The following GATAD2B variants were observed in gnomAD, a reference collection of about 807,000 sequenced individuals.
GATAD2B encodes the protein transcriptional repressor p66-beta.
In GATAD2B, 8 loss-of-function variants were observed where a neutral mutation model predicts 64.3. The observed-to-expected ratio is 0.12, with a 90% CI of 0.07 to 0.22. The LOEUF (loss-of-function observed/expected upper bound fraction) is 0.22. Ranked by LOEUF, GATAD2B falls within the 10% of genes least tolerant of loss-of-function variation. The pLI, the probability that GATAD2B is intolerant of heterozygous loss-of-function variation, is 1.00. For missense variants in GATAD2B, 453 were observed against 752.0 expected (o/e 0.60, Z 4.65); for synonymous variants, 281 against 271.3 (o/e 1.04, Z -0.35).
At chr1:153,904,845 T>C (rs1413453805) in intron 1 of GATAD2B, among the ~76,000 whole-genome samples, 2 of 152,168 alleles carry the variant, frequency 1.3e-5, no homozygotes, top group Non-Finnish European at 2.9e-5. Flanking sequence ...CAGGTGGGAT[T>C]ACAGGCGCCT....
rs1429828798 is a variant in GATAD2B at position 153,865,615 on chromosome 1, G to A, written c.-1-37267C>T. On this transcript the variant is annotated intron_variant, in intron 1 of 10. Coordinates refer to ENST00000368655, the MANE Select transcript of GATAD2B (RefSeq NM_020699.4). ...TGGAACATTCTGTTACATAAGTAAAGACTTTTAATCAATTATTGTCTGCCA... is the reference window on the plus strand; with the variant it reads ...TGGAACATTCTGTTACATAAGTAAAAACTTTTAATCAATTATTGTCTGCCA... Among the ~76,000 whole-genome samples the A allele has an allele frequency of 2.0e-5, 3 of 152,164 alleles. No individual in the cohort carries two copies. In the East Asian group the frequency reaches 5.8e-4, roughly 29 times the overall value.
intron 1 of GATAD2B, chr1:153,852,969 G>A: frequency 1.1e-6 from 1 of 921,822 alleles, no homozygotes; most frequent in Non-Finnish European, 1.8e-6. Flanking sequence ...CACAGACTTG[G>A]GTCTTCTCCA....
At chr1:153,903,560 A>G (rs1677841114) in intron 1 of GATAD2B, among the ~76,000 whole-genome samples, 1 of 152,242 alleles carries the variant, frequency 6.6e-6, no homozygotes, top group Non-Finnish European at 1.5e-5. Flanking sequence ...TGTTAACAAA[A>G]TAATAGCGAT....
intron 1 of GATAD2B, among the ~76,000 whole-genome samples, chr1:153,866,825 A>C (rs1676490987): frequency 6.6e-6 from 1 of 152,192 alleles, no homozygotes; most frequent in Non-Finnish European, 1.5e-5. Context: ...CTCTGTCGCC[A>C]GGCTGGAGTG....
chr1:153,832,240 G>A (rs1675105163), intron 1 of GATAD2B, among the ~76,000 whole-genome samples: 1 of 151,740 alleles, frequency 6.6e-6, no homozygotes, highest in South Asian at 2.1e-4. Flanking sequence ...TAGCCAAGTT[G>A]TGAATGCAAA....
chr1:153,818,991 C>G, intron 3 of GATAD2B, 69 bp from the exon 4 acceptor site: 1 of 1,499,498 alleles, frequency 6.7e-7, no homozygotes, highest in Non-Finnish European at 9.1e-7. Context: ...AAGAGACAAT[C>G]TTTACTTCTT....
intron 1 of GATAD2B, among the ~76,000 whole-genome samples, chr1:153,842,952 GC>G (rs1024098911): frequency 1.3e-4 from 17 of 134,710 alleles, no homozygotes; most frequent in African/African-American, 3.7e-4. Context: ...ACCTCGCCCA[GC>G]CTTTTTTTTT....
chr1:153,834,986 C>T (rs912372285), intron 1 of GATAD2B, among the ~76,000 whole-genome samples: 6 of 151,848 alleles, frequency 4.0e-5, no homozygotes, highest in Admixed American at 6.6e-5. Flanking sequence ...TAGTTGGGCA[C>T]GGTGGCATGC....
chr1:153,849,414 T>G (rs563399861), intron 1 of GATAD2B, among the ~76,000 whole-genome samples: 5 of 152,368 alleles, frequency 3.3e-5, no homozygotes, highest in African/African-American at 1.2e-4. Flanking sequence ...ACATGAATTT[T>G]GGAGGGACAA....
intron 1 of GATAD2B, among the ~76,000 whole-genome samples, chr1:153,835,604 T>A (rs1675234657): frequency 6.6e-6 from 1 of 151,828 alleles, no homozygotes; most frequent in Non-Finnish European, 1.5e-5. Context: ...CTCAGATGAT[T>A]GTTAGTACTT....
intron 1 of GATAD2B, among the ~76,000 whole-genome samples, chr1:153,838,392 G>T (rs1339271203): frequency 1.3e-5 from 2 of 152,116 alleles, no homozygotes; most frequent in East Asian, 3.9e-4. Context: ...ATGTTTACAT[G>T]AACTCATTTT....
In GATAD2B at chr1:153,817,457, T is replaced by A. The variant is rs1674518433; in HGVS notation, c.815A>T (p.Gln272Leu). The A allele has an allele frequency of 6.2e-7, 1 of 1,613,376 alleles. No homozygotes were observed. The highest frequency in any genetic ancestry group is 1.1e-5 in the South Asian group (1 of 90,982). Reference protein sequence around the residue: ...SQRVIAPNPAQLQGQRGPPKP... With the variant: ...SQRVIAPNPALLQGQRGPPKP... ...AGGCGGGCCCCGCTGACCCTGTAGC[T>A]GGGCTGGGTTTGGTGCAATAACACG... Residue 272 changes from glutamine (Q) to leucine (L), a missense_variant, in exon 6 of 11, where the codon CAG becomes CTG. Coordinates refer to ENST00000368655, the MANE Select transcript of GATAD2B (RefSeq NM_020699.4).
rs991773961 is a variant in GATAD2B, at chr1:153,850,411, T to C, written c.-1-22063A>G. Among the ~76,000 whole-genome samples the C allele has an allele frequency of 2.6e-5, 4 of 152,098 alleles. No individual in the cohort carries two copies. The East Asian group carries it at 5.8e-4, about 22-fold the overall frequency. On this transcript the variant is annotated intron_variant, in intron 1 of 10. Transcript: ENST00000368655. ...ACCTCCCGGGTTCAAGTGATCCTCC[T>C]GCCTCAGCCTCCTGAGTAGCTGGGA...
intron 1 of GATAD2B, among the ~76,000 whole-genome samples, chr1:153,856,975 T>C (rs1676102789): frequency 6.6e-6 from 1 of 152,018 alleles, no homozygotes; most frequent in Admixed American, 6.6e-5. Context: ...ATCTGAAGAC[T>C]GAAATGATTA....
intron 1 of GATAD2B, among the ~76,000 whole-genome samples, chr1:153,905,321 G>A (rs768457558): frequency 2.0e-5 from 3 of 151,904 alleles, no homozygotes; most frequent in African/African-American, 4.8e-5. Flanking sequence ...AGGTTGCAGT[G>A]AGCAGAGATC....
chr1:153,826,342 G>C (rs1475413388), intron 2 of GATAD2B, among the ~76,000 whole-genome samples: 5 of 152,080 alleles, frequency 3.3e-5, no homozygotes, highest in Non-Finnish European at 7.4e-5. Flanking sequence ...TTAAAAGCTA[G>C]GGTTGGCTGG....
intron 1 of GATAD2B, among the ~76,000 whole-genome samples, chr1:153,893,668 A>C (rs191831512): frequency 1.3e-5 from 2 of 151,844 alleles, no homozygotes; most frequent in Admixed American, 1.3e-4. Flanking sequence ...CTTTTAGAAA[A>C]GTTTATTCTT....
At chr1:153,919,321 C>T (rs1260492167) in intron 1 of GATAD2B, among the ~76,000 whole-genome samples, 2 of 152,138 alleles carry the variant, frequency 1.3e-5, no homozygotes, top group Admixed American at 1.3e-4. Flanking sequence ...CATCTAAATA[C>T]CTCAGACAGG....
intron 1 of GATAD2B, among the ~76,000 whole-genome samples, chr1:153,894,989 T>G (rs1677543450): frequency 6.6e-6 from 1 of 151,998 alleles, no homozygotes; most frequent in Admixed American, 6.6e-5. Flanking sequence ...AGAAACCCCA[T>G]CTCTACTAAA....
Sources: allele counts gnomAD v4.1 joint callset (sites outside exome capture counted in the v4.1 genomes callset), GRCh38; gene constraint gnomAD v4.1.1; transcripts MANE v1.5; gene names NCBI Gene and HGNC (gene_info 2026-07-23, HGNC 2026-07-21).